ATP8B1: variants seen among roughly 807,000 people sequenced by gnomAD.
ATP8B1 encodes the protein phospholipid-transporting ATPase IC.
ATP8B1 carries 80 observed loss-of-function variants against 149.9 expected under a neutral mutation model. The ratio of observed to expected loss-of-function variants is 0.53; its 90% CI spans 0.45 to 0.64. The LOEUF (loss-of-function observed/expected upper bound fraction) is 0.64. Ranked by LOEUF, ATP8B1 falls within the 30% of genes least tolerant of loss-of-function variation. The pLI is 0.00. For missense variants in ATP8B1, 1,247 were observed against 1,552.6 expected (o/e 0.80, Z 3.31); for synonymous variants, 536 against 562.8 (o/e 0.95, Z 0.67).
At chr18:57,783,061 CCT>C (rs1881787997) in intron 1 of ATP8B1, among the ~76,000 whole-genome samples, 1 of 152,004 alleles carries the variant, frequency 6.6e-6, no homozygotes, top group Non-Finnish European at 1.5e-5. Context: ...GATCTGCCTG[CCT>C]CAGCCTCCCA....
chr18:57,701,127 GT>G (rs1291652568), intron 5 of ATP8B1, 27 bp from the exon 6 acceptor site: 1 of 1,613,204 alleles, frequency 6.2e-7, no homozygotes, highest in South Asian at 1.1e-5. Flanking sequence ...GGGAAATGCT[GT>G]TTTAAACATC....
At chr18:57,733,804 G>C (rs754649700) in intron 1 of ATP8B1, among the ~76,000 whole-genome samples, 4 of 151,560 alleles carry the variant, frequency 2.6e-5, no homozygotes, top group Non-Finnish European at 4.4e-5. Context: ...GATATATTTT[G>C]AGTGAAAATT....
chr18:57,761,096 A>G (rs1408344210), intron 1 of ATP8B1, among the ~76,000 whole-genome samples: 1 of 93,964 alleles, frequency 1.1e-5, no homozygotes, highest in Non-Finnish European at 2.2e-5. Flanking sequence ...AAAATAAAAT[A>G]AAAAATAAAA....
At chr18:57,710,663 A>G (rs545629405) in intron 2 of ATP8B1, among the ~76,000 whole-genome samples, 3 of 152,334 alleles carry the variant, frequency 2.0e-5, no homozygotes, top group Non-Finnish European at 4.4e-5. Flanking sequence ...GGGAAATTCA[A>G]TGCTGTTCTC....
chr18:57,764,297 T>C (rs12953732), intron 1 of ATP8B1, among the ~76,000 whole-genome samples: 48,694 of 136,872 alleles, frequency 0.36, 7,933 homozygotes, highest in Middle Eastern at 0.38. Context: ...TTTCTTCTTT[T>C]CTTCCTTCCT....
intron 22 of ATP8B1, among the ~76,000 whole-genome samples, chr18:57,655,776 G>A (rs1568180572): frequency 6.6e-6 from 1 of 152,222 alleles, no homozygotes; most frequent in Non-Finnish European, 1.5e-5. Context: ...GGCAACAGCT[G>A]TGTCAGTCAT....
At position 57,655,547 on chromosome 18, in the gene ATP8B1, C is replaced by G. The variant is rs1909942922; in HGVS notation, c.2708-130G>C. The G allele has an allele frequency of 4.8e-6, 4 of 840,132 alleles. No individual in the cohort carries two copies. The Admixed American group carries it at 8.1e-5, about 17-fold the overall frequency. The allele number at this position is 840,132 out of a possible 1,614,324, so 52.0% of individuals were successfully genotyped here. A position where few individuals can be genotyped will look rare whatever the true frequency, so the allele number is the denominator to read the frequency against. ...TTGATGGAACAATAATACAGAAGCT[C>G]TTGCTCACCATCCCTCACCCCCAGC... On this transcript the variant is annotated intron_variant, in intron 22 of 27. Transcript: ENST00000648908.
chr18:57,792,874 G>GGGCTTGT (rs1259505040), intron 1 of ATP8B1, among the ~76,000 whole-genome samples: 1 of 152,134 alleles, frequency 6.6e-6, no homozygotes, highest in Admixed American at 6.5e-5. Flanking sequence ...GGGGGACTAG[G>GGGCTTGT]GGCTTGTGAG....
chr18:57,785,484 G>T (rs1316429349), intron 1 of ATP8B1, among the ~76,000 whole-genome samples: 1 of 152,108 alleles, frequency 6.6e-6, no homozygotes, highest in Non-Finnish European at 1.5e-5. Flanking sequence ...ATCTATTTTT[G>T]TTGTTGTTGT....
At chr18:57,666,478 T>C (rs1910862884) in intron 20 of ATP8B1, among the ~76,000 whole-genome samples, 1 of 152,024 alleles carries the variant, frequency 6.6e-6, no homozygotes, top group African/African-American at 2.4e-5. Flanking sequence ...ATAATTCATA[T>C]TAATTTGCTA....
chr18:57,696,770 A>G (rs1194737342), intron 8 of ATP8B1, among the ~76,000 whole-genome samples: 2 of 152,192 alleles, frequency 1.3e-5, no homozygotes, highest in Admixed American at 1.3e-4. Flanking sequence ...CCGATTCCTC[A>G]TGGGTAATAC....
At chr18:57,783,949 AT>A (rs369161195) in intron 1 of ATP8B1, among the ~76,000 whole-genome samples, 175 of 152,280 alleles carry the variant, frequency 1.1e-3, no homozygotes, top group Non-Finnish European at 2.1e-3. Context: ...TTTCAACAGT[AT>A]TTCTGGGCTT....
At chr18:57,781,463 A>C (rs774146937) in intron 1 of ATP8B1, among the ~76,000 whole-genome samples, 5 of 152,212 alleles carry the variant, frequency 3.3e-5, no homozygotes, top group Non-Finnish European at 7.3e-5. Flanking sequence ...TTATTTTTAC[A>C]AGAGGAATCC....
At chr18:57,778,632 G>A (rs1027028343) in intron 1 of ATP8B1, among the ~76,000 whole-genome samples, 16 of 152,156 alleles carry the variant, frequency 1.1e-4, no homozygotes, top group African/African-American at 3.6e-4. Context: ...CCTAAAGGTC[G>A]GCCTGGGGAT....
intron 15 of ATP8B1, among the ~76,000 whole-genome samples, chr18:57,683,699 C>A (rs1021300955): frequency 7.2e-5 from 11 of 152,192 alleles, no homozygotes; most frequent in African/African-American, 2.7e-4. Context: ...TTTTCACTCT[C>A]AGTCAATGCT....
At chr18:57,730,814 TATATATATATATATATATATACAC>T (rs1310650298) in intron 2 of ATP8B1, among the ~76,000 whole-genome samples, 161 of 151,054 alleles carry the variant, frequency 1.1e-3, no homozygotes, top group Middle Eastern at 3.4e-3. Flanking sequence ...TATATATATA[TATATATATATATATATATATACAC>T]ACACACACAC....
chr18:57,669,156 A>G (rs1489130359), intron 18 of ATP8B1, 162 bp downstream of exon 18: 4 of 701,222 alleles, frequency 5.7e-6, no homozygotes, highest in Non-Finnish European at 6.6e-6. Context: ...TTCTGCTCCT[A>G]TTTTGGTGAA....
At chr18:57,743,666 C>T (rs959808419) in intron 1 of ATP8B1, among the ~76,000 whole-genome samples, 43 of 152,002 alleles carry the variant, frequency 2.8e-4, no homozygotes, top group African/African-American at 9.2e-4. Context: ...CCAGCACCGG[C>T]GCAGGTGGGA....
At chr18:57,692,264 T>C (rs946586769) in intron 11 of ATP8B1, among the ~76,000 whole-genome samples, 23 of 152,150 alleles carry the variant, frequency 1.5e-4, no homozygotes, top group African/African-American at 4.8e-4. Flanking sequence ...TGGTGTCTTA[T>C]ATTCAAATCC....
Sources: gnomAD v4.1 joint callset for allele counts (sites outside exome capture counted in the v4.1 genomes callset) on GRCh38, gnomAD v4.1.1 for gene constraint, MANE v1.5 for transcripts, NCBI Gene and HGNC (gene_info 2026-07-23, HGNC 2026-07-21) for gene names.